Variants in CTNNA3 observed in about 807,000 individuals in gnomAD.
CTNNA3 encodes catenin alpha 3.
A neutral mutation model predicts 95.7 loss-of-function variants in CTNNA3; 76 were observed. That is an observed-to-expected ratio of 0.79 (90% confidence interval 0.66 to 0.96). The LOEUF (loss-of-function observed/expected upper bound fraction) is 0.96. Ranked by LOEUF, CTNNA3 falls within the 40% of genes least tolerant of loss-of-function variation. The probability of loss-of-function intolerance (pLI) is 0.00; values close to 1 mark genes in which losing one functional copy is unlikely to be tolerated. For synonymous variants in CTNNA3, 431 were observed against 374.4 expected (o/e 1.15, Z -1.74); for missense variants, 1,191 against 1,089.8 (o/e 1.09, Z -1.31).
chr10:66,324,996 A>T (rs2092237021), intron 12 of CTNNA3, among the ~76,000 whole-genome samples: 1 of 151,840 alleles, frequency 6.6e-6, no homozygotes, highest in African/African-American at 2.4e-5. Flanking sequence ...CTGTGGAGAG[A>T]GGTCAGATTT....
chr10:67,600,271 C>A (rs951146181), intron 3 of CTNNA3, among the ~76,000 whole-genome samples: 2 of 151,718 alleles, frequency 1.3e-5, no homozygotes, highest in Non-Finnish European at 2.9e-5. Flanking sequence ...CAGATAGTAA[C>A]GTAAGAAAAT....
chr10:67,499,388 A>C (rs1220718578), intron 5 of CTNNA3, among the ~76,000 whole-genome samples: 1 of 152,052 alleles, frequency 6.6e-6, no homozygotes, highest in South Asian at 2.1e-4. Context: ...ATTGGCCCCA[A>C]ATTTTCTTTT....
At chr10:66,155,523 A>T (rs2084446024) in intron 13 of CTNNA3, among the ~76,000 whole-genome samples, 1 of 151,832 alleles carries the variant, frequency 6.6e-6, no homozygotes, top group South Asian at 2.1e-4. Context: ...TGATCAATGG[A>T]AAAAAGTCCA....
At chr10:67,188,748 T>C (rs1331568376) in intron 6 of CTNNA3, among the ~76,000 whole-genome samples, 2 of 152,148 alleles carry the variant, frequency 1.3e-5, no homozygotes, top group African/African-American at 4.8e-5. Flanking sequence ...ACCCTAAATG[T>C]CTACCAATGG....
At chr10:66,045,315 G>C (rs2079806158) in intron 15 of CTNNA3, among the ~76,000 whole-genome samples, 1 of 152,112 alleles carries the variant, frequency 6.6e-6, no homozygotes, top group Admixed American at 6.5e-5. Context: ...CACAGTGCTA[G>C]GTTTTATCTA....
chr10:67,199,321 T>C (rs910934466), intron 6 of CTNNA3, among the ~76,000 whole-genome samples: 3 of 150,682 alleles, frequency 2.0e-5, no homozygotes, highest in African/African-American at 7.4e-5. Flanking sequence ...TTCATCACTA[T>C]AGAAAATTTT....
chr10:67,562,669 T>C (rs1310865403), intron 3 of CTNNA3, among the ~76,000 whole-genome samples: 2 of 152,068 alleles, frequency 1.3e-5, no homozygotes, highest in African/African-American at 4.8e-5. Context: ...AAATAAAGGG[T>C]ATTCAATTAG....
At chr10:67,687,258 C>A (rs1245743770) in intron 1 of CTNNA3, among the ~76,000 whole-genome samples, 1 of 152,208 alleles carries the variant, frequency 6.6e-6, no homozygotes, top group Non-Finnish European at 1.5e-5. Flanking sequence ...CCCCGGGCAT[C>A]CTCAGTCCTG....
chr10:67,624,617 C>A (rs1843965966), intron 2 of CTNNA3, among the ~76,000 whole-genome samples: 1 of 152,090 alleles, frequency 6.6e-6, no homozygotes, highest in African/African-American at 2.4e-5. Context: ...CTTCAGAGGG[C>A]AAAGAGGAAG....
At position 67,744,528 on chromosome 10, in the gene CTNNA3, T is replaced by G. The variant is rs1337587519; in HGVS notation, c.-2+18906A>C. 3.3e-5 allele frequency among the ~76,000 whole-genome samples: 5 copies of G among 151,236 alleles called. 1 individual carries two copies. The highest frequency in any genetic ancestry group is 4.8e-5 in the African/African-American group (2 of 41,288). On this transcript the variant is annotated intron_variant, in intron 1 of 17. Coordinates refer to the CTNNA3 transcript ENST00000684154. ...CAAGATGGATTAAAGACTTACATGT[T>G]AGACCTAAAACCATAAAAACCCTAG...
At chr10:67,002,986 C>A (rs1925613) in intron 7 of CTNNA3, among the ~76,000 whole-genome samples, 77,151 of 151,964 alleles carry the variant, frequency 0.51, 20,476 homozygotes, top group Middle Eastern at 0.72. Context: ...AAAATACATT[C>A]ATCAGATGCA....
At chr10:66,360,888 T>G (rs2092667888) in intron 12 of CTNNA3, among the ~76,000 whole-genome samples, 1 of 136,434 alleles carries the variant, frequency 7.3e-6, no homozygotes. Context: ...CTTTCTTTTT[T>G]CTTTATTTCT....
intron 1 of CTNNA3, among the ~76,000 whole-genome samples, chr10:67,741,755 G>A (rs529215348): frequency 7.9e-5 from 12 of 151,144 alleles, no homozygotes; most frequent in Non-Finnish European, 1.6e-4. Flanking sequence ...CTGCATTCAG[G>A]AAACCCATTT....
chr10:66,472,489 T>C (rs1839172505), intron 11 of CTNNA3, among the ~76,000 whole-genome samples: 1 of 151,998 alleles, frequency 6.6e-6, no homozygotes, highest in Non-Finnish European at 1.5e-5. Context: ...GGTTTTCTCA[T>C]TTTATTTTAG....
chr10:66,985,873 G>A lies in CTNNA3; in HGVS notation c.1047+194444C>T, dbSNP rs1001877287. ...CTCCCAAGTAACTGGGATTACAGGTGCTCGCCACCACACCCAGCTAATTTT... is the reference window on the plus strand; with the variant it reads ...CTCCCAAGTAACTGGGATTACAGGTACTCGCCACCACACCCAGCTAATTTT... On this transcript the variant is annotated intron_variant, in intron 7 of 17. Coordinates refer to ENST00000433211, the MANE Select transcript of CTNNA3 (RefSeq NM_013266.4). 4.6e-5 allele frequency among the ~76,000 whole-genome samples: 7 copies of A among 151,874 alleles called. No homozygotes were observed. The East Asian group carries it at 1.4e-3, about 30-fold the overall frequency.
chr10:66,626,400 C>T (rs149612578), intron 9 of CTNNA3, among the ~76,000 whole-genome samples: 177 of 152,216 alleles, frequency 1.2e-3, no homozygotes, highest in African/African-American at 4.1e-3. Context: ...CATGTCACCA[C>T]GTCTCCTAGC....
At chr10:66,653,580 T>G (rs1462526223) in intron 9 of CTNNA3, among the ~76,000 whole-genome samples, 1 of 152,084 alleles carries the variant, frequency 6.6e-6, no homozygotes, top group Non-Finnish European at 1.5e-5. Flanking sequence ...CAATGTCACT[T>G]TTCATAGCAA....
rs545972770 is a variant in CTNNA3 at position 67,254,212 on chromosome 10, C to G, written c.580-34342G>C. Among the ~76,000 whole-genome samples the G allele has an allele frequency of 3.3e-5, 5 of 151,794 alleles. No individual in the cohort carries two copies. The East Asian group carries it at 9.7e-4, about 29-fold the overall frequency. On this transcript the variant is annotated intron_variant, in intron 5 of 17. Transcript: ENST00000433211. ...AAAAGAAATGCCCCAAAGTGGCCCC[C>G]GAGACTCACTTTAGTTCAAACTATG...
intron 14 of CTNNA3, among the ~76,000 whole-genome samples, chr10:66,083,659 C>T (rs1205463017): frequency 1.3e-5 from 2 of 152,144 alleles, no homozygotes; most frequent in African/African-American, 2.4e-5. Context: ...TATTCTTCTA[C>T]GCTAGTTATG....
Sources: gnomAD v4.1 joint callset for allele counts (sites outside exome capture counted in the v4.1 genomes callset) on GRCh38, gnomAD v4.1.1 for gene constraint, MANE v1.5 for transcripts, NCBI Gene and HGNC (gene_info 2026-07-23, HGNC 2026-07-21) for gene names.